PRDM13: variants seen among roughly 807,000 people sequenced by gnomAD.
The protein encoded by PRDM13 is PR domain zinc finger protein 13.
A neutral mutation model predicts 36.4 loss-of-function variants in PRDM13; 15 were observed. That is an observed-to-expected ratio of 0.41 (90% CI 0.28 to 0.64). The LOEUF is 0.64. Ranked by LOEUF, PRDM13 falls within the 30% of genes least tolerant of loss-of-function variation. PRDM13 has a pLI of 0.29. For synonymous variants in PRDM13, 531 were observed against 467.7 expected, an observed-to-expected ratio of 1.14 and a Z score of -1.75; for missense variants, 1,044 against 1,013.5, an observed-to-expected ratio of 1.03 and a Z score of -0.41.
intron 2 of PRDM13, 150 bp from the exon 3 acceptor site, chr6:99,609,037 G>A: frequency 7.3e-7 from 1 of 1,372,360 alleles, no homozygotes; most frequent in South Asian, 1.5e-5. Context: ...TTTTCCGTTT[G>A]AAGGATGACG....
chr6:99,609,829 T>G (rs887247924), intron 3 of PRDM13, among the ~76,000 whole-genome samples: 2 of 151,974 alleles, frequency 1.3e-5, no homozygotes, highest in African/African-American at 4.8e-5. Flanking sequence ...AAGGTTCCAG[T>G]GAGCCGTAAT....
intron 3 of PRDM13, among the ~76,000 whole-genome samples, chr6:99,612,323 AT>A (rs1010206375): frequency 7.9e-5 from 12 of 152,272 alleles, no homozygotes; most frequent in African/African-American, 2.9e-4. Flanking sequence ...GGGCATAAGA[AT>A]TTTTTCTTTT....
At chr6:99,610,293 G>A (rs1339254905) in intron 3 of PRDM13, among the ~76,000 whole-genome samples, 1 of 152,184 alleles carries the variant, frequency 6.6e-6, no homozygotes, top group Non-Finnish European at 1.5e-5. Context: ...CACTTCCTGT[G>A]GAAAGAAGTC....
intron 2 of PRDM13, 68 bp from the exon 3 acceptor site, chr6:99,609,119 C>CTTCTCAGTTGCT: frequency 6.4e-7 from 1 of 1,565,994 alleles, no homozygotes; most frequent in Non-Finnish European, 8.7e-7. Context: ...TTGAACCTTT[C>CTTCTCAGTTGCT]TTCTCAGTTG....
chr6:99,613,457 CG>C lies in PRDM13; in HGVS notation c.823del (p.Val275TrpfsTer26). ...GAGGACAAGGGCACTTCCTCGGCAT[CG>C]TGGGCGGCTCCTCGGCGGGGGTCGG... ...ARGQGHFLGIVGGSSAGVGSL... is the reference protein window; with the variant it reads ...ARGQGHFLGIXGGSSAGVGSL... On this transcript the variant is annotated frameshift_variant, in exon 4 of 4. Coordinates refer to ENST00000369215, the MANE Select transcript of PRDM13 (RefSeq NM_021620.4). LOFTEE classifies it low-confidence loss of function (END_TRUNC). The surrounding 1 kb of genome is among the most constrained non-coding windows in gnomAD (Gnocchi z 6.1). 1 of 1,529,270 alleles carries C rather than the reference CG, an allele frequency of 6.5e-7. No individual in the cohort carries two copies. Among genetic ancestry groups the C allele is most frequent in the African/African-American group, 1.4e-5 (1 of 71,150 alleles). 94.7% of individuals were successfully genotyped at this position (1,529,270 alleles called of 1,614,324 possible). A position where few individuals can be genotyped will look rare whatever the true frequency, so the allele number is the denominator to read the frequency against.
chr6:99,612,478 G>T (rs1169578763), intron 3 of PRDM13, among the ~76,000 whole-genome samples: 1 of 152,164 alleles, frequency 6.6e-6, no homozygotes, highest in African/African-American at 2.4e-5. Context: ...GGAAGGGGGT[G>T]GAATGGGTGG....
chr6:99,614,954 C>G lies in PRDM13; in HGVS notation c.*195C>G. 2 of 798,536 alleles carry G rather than the reference C, an allele frequency of 2.5e-6. No individual in the cohort carries two copies. Among genetic ancestry groups the G allele is most frequent in the Non-Finnish European group, 1.9e-6 (1 of 527,984 alleles). The allele number at this position is 798,536 out of a possible 1,614,324, so 49.5% of individuals were successfully genotyped here. A position where few individuals can be genotyped will look rare whatever the true frequency, so the allele number is the denominator to read the frequency against. Reference sequence around the variant, plus strand: ...ACTCAGAGCAACAGTTCAGAGGTGGCGTAAATCTGGCCACCTGGAGAGCTC... The same window carrying G: ...ACTCAGAGCAACAGTTCAGAGGTGGGGTAAATCTGGCCACCTGGAGAGCTC... On this transcript the variant is annotated 3_prime_UTR_variant, in exon 4 of 4. Coordinates refer to ENST00000369215, the MANE Select transcript of PRDM13 (RefSeq NM_021620.4).
chr6:99,608,658 G>A lies in PRDM13; in HGVS notation c.145-83G>A, dbSNP rs1384091555. 7 of 1,516,006 alleles carry A rather than the reference G, an allele frequency of 4.6e-6. No homozygotes were observed. The African/African-American group carries it at 6.9e-5, about 15-fold the overall frequency. The allele number at this position is 1,516,006 out of a possible 1,614,324, so 93.9% of individuals were successfully genotyped here. On this transcript the variant is annotated intron_variant, in intron 1 of 3. Coordinates refer to ENST00000369215, the MANE Select transcript of PRDM13 (RefSeq NM_021620.4). ...CAAAAACAACCACTTTCCTGTGTTG[G>A]GTTGGGGTGGAGGATAAACTTTCTG...
intron 3 of PRDM13, among the ~76,000 whole-genome samples, chr6:99,609,809 C>T (rs981094713): frequency 1.3e-5 from 2 of 151,948 alleles, no homozygotes; most frequent in African/African-American, 2.4e-5. Context: ...TCACTTGAGC[C>T]CAGGAGGTCA....
Position 99,611,087 on chromosome 6 carries a change from G to C in PRDM13, c.397+1780G>C, listed in dbSNP as rs76909250. On this transcript the variant is annotated intron_variant, in intron 3 of 3. Coordinates refer to ENST00000369215, the MANE Select transcript of PRDM13 (RefSeq NM_021620.4). ...TACTCTTGGCATGATTTGGATCTCAGAGTCTGGAGAATATGTCAGTTAGGA... is the reference window on the plus strand; with the variant it reads ...TACTCTTGGCATGATTTGGATCTCACAGTCTGGAGAATATGTCAGTTAGGA... Among the ~76,000 whole-genome samples, 1,132 of 152,176 alleles carry C rather than the reference G, an allele frequency of 7.4e-3. 20 individuals carry two copies. The highest frequency in any genetic ancestry group is 0.026 in the African/African-American group (1,068 of 41,506).
At chr6:99,609,166 G>A in intron 2 of PRDM13, 21 bp from the exon 3 acceptor site, 6 of 1,612,880 alleles carry the variant, frequency 3.7e-6, no homozygotes, top group Non-Finnish European at 5.1e-6. Flanking sequence ...ACATTGAACT[G>A]TTCTATTCCT....
At position 99,608,598 on chromosome 6, in the gene PRDM13, C is replaced by T. The variant is rs564114258; in HGVS notation, c.145-143C>T. On this transcript the variant is annotated intron_variant, in intron 1 of 3. Coordinates refer to ENST00000369215, the MANE Select transcript of PRDM13 (RefSeq NM_021620.4). ...CCGAAGCAAGGTCCTAAGGAATTCT[C>T]CTCCTCCCAGTAGCCCATAGTGGTC... 1.2e-4 allele frequency: 129 copies of T among 1,107,418 alleles called. No homozygotes were observed. The African/African-American group carries it at 1.9e-3, about 17-fold the overall frequency. 68.6% of individuals were successfully genotyped at this position (1,107,418 alleles called of 1,614,324 possible).
In PRDM13 at chr6:99,614,939, A is replaced by G. The variant is rs910522904; in HGVS notation, c.*180A>G. 8 of 874,400 alleles carry G rather than the reference A, an allele frequency of 9.1e-6. No individual in the cohort carries two copies. In the South Asian group the frequency reaches 9.2e-5, roughly 10 times the overall value. The allele number at this position is 874,400 out of a possible 1,614,324, so 54.2% of individuals were successfully genotyped here. A position where few individuals can be genotyped will look rare whatever the true frequency, so the allele number is the denominator to read the frequency against. On this transcript the variant is annotated 3_prime_UTR_variant, in exon 4 of 4. Coordinates refer to ENST00000369215, the MANE Select transcript of PRDM13 (RefSeq NM_021620.4). Reference sequence around the variant, plus strand: ...ACATCTGGTGCTGAAACTCAGAGCAACAGTTCAGAGGTGGCGTAAATCTGG... The same window carrying G: ...ACATCTGGTGCTGAAACTCAGAGCAGCAGTTCAGAGGTGGCGTAAATCTGG...
intron 1 of PRDM13, 176 bp downstream of exon 1, chr6:99,607,354 G>A (rs1002343986): frequency 3.8e-6 from 4 of 1,051,616 alleles, no homozygotes; most frequent in Admixed American, 3.0e-5. Flanking sequence ...TGTGAGAGCT[G>A]GACGGGGTCG....
At position 99,606,920 on chromosome 6, in the gene PRDM13, C is replaced by A; in HGVS notation, c.-115C>A. The A allele has an allele frequency of 7.4e-7, 1 of 1,342,412 alleles. No homozygotes were observed. Among genetic ancestry groups the A allele is most frequent in the Non-Finnish European group, 9.8e-7 (1 of 1,020,172 alleles). The allele number at this position is 1,342,412 out of a possible 1,614,324, so 83.2% of individuals were successfully genotyped here. On this transcript the variant is annotated 5_prime_UTR_variant, in exon 1 of 4. Transcript: ENST00000369215. ...ATGCCCGCCCGCGTCACTCCGCGGG[C>A]GGAGGACGCACGTCGGGGCGCGGCT...
chr6:99,610,431 G>A (rs567477588), intron 3 of PRDM13, among the ~76,000 whole-genome samples: 16 of 152,264 alleles, frequency 1.1e-4, no homozygotes, highest in African/African-American at 3.6e-4. Context: ...AATAATGAAT[G>A]CTGTGAAATA....
rs535980913 is a variant in PRDM13, at chr6:99,615,413, G to A, written c.*654G>A. The A allele has an allele frequency of 2.5e-3, 376 of 152,784 alleles. 1 individual carries two copies. The highest frequency in any genetic ancestry group is 3.8e-3 in the Non-Finnish European group (260 of 68,090). 9.5% of individuals were successfully genotyped at this position (152,784 alleles called of 1,614,324 possible). A position where few individuals can be genotyped will look rare whatever the true frequency, so the allele number is the denominator to read the frequency against. On this transcript the variant is annotated 3_prime_UTR_variant, in exon 4 of 4. Coordinates refer to ENST00000369215, the MANE Select transcript of PRDM13 (RefSeq NM_021620.4). ...ATCTAAAGCATGAATCTAAGAGCAC[G>A]CAATATATAATTTTAAAGAAAATAT...
In PRDM13 at chr6:99,613,008, C is replaced by G. The variant is rs776206211; in HGVS notation, c.398-25C>G. 2 of 1,611,968 alleles carry G rather than the reference C, an allele frequency of 1.2e-6. No individual in the cohort carries two copies. The highest frequency in any genetic ancestry group is 1.1e-5 in the South Asian group (1 of 90,726). On this transcript the variant is annotated intron_variant, in intron 3 of 3. Coordinates refer to ENST00000369215, the MANE Select transcript of PRDM13 (RefSeq NM_021620.4). This position sits in a 1 kb window ranked among gnomAD's most constrained non-coding sequence, Gnocchi z 6.1. ...CTCGCTTGTTCGCCTCTCACCGGGT[C>G]GCTTTTCCATTCTTTCTTGCCCAGG...
chr6:99,614,589 C>G lies in PRDM13; in HGVS notation c.1954C>G (p.Arg652Gly), dbSNP rs1393281786. ...RRDLERHVKSRHPGQSLLAKA... is the reference protein window; with the variant it reads ...RRDLERHVKSGHPGQSLLAKA... ...GGACCTGGAGCGACATGTCAAGTCC[C>G]GCCACCCTGGCCAGAGTCTGCTCGC... is the stretch of plus-strand genomic sequence containing the variant. The change falls in exon 4 of 4, where the codon CGC (arginine) becomes GGC (glycine). Residue 652 changes from arginine to glycine, a missense_variant. Physicochemically the swap from Arg to Gly is moderately radical, Grantham distance 125 (BLOSUM62 -2). Coordinates refer to ENST00000369215, the MANE Select transcript of PRDM13 (RefSeq NM_021620.4). 2 of 1,612,644 alleles carry G rather than the reference C, an allele frequency of 1.2e-6. No individual in the cohort carries two copies. Among genetic ancestry groups the G allele is most frequent in the Non-Finnish European group, 1.7e-6 (2 of 1,179,862 alleles).
Sources: gnomAD v4.1 joint callset for allele counts (sites outside exome capture counted in the v4.1 genomes callset) on GRCh38, gnomAD v4.1.1 for gene constraint, Gnocchi (gnomAD v3.1) non-coding constraint, MANE v1.5 for transcripts, NCBI Gene and HGNC (gene_info 2026-07-23, HGNC 2026-07-21) for gene names.